The following PDE1A variants were observed in gnomAD, a reference collection of about 807,000 sequenced individuals.
PDE1A encodes the protein phosphodiesterase 1A.
A neutral mutation model predicts 61.7 loss-of-function variants in PDE1A; 35 were observed. That is an observed-to-expected ratio of 0.57 (90% CI 0.43 to 0.75). PDE1A has a LOEUF of 0.75. Ranked by LOEUF, PDE1A falls within the 30% of genes least tolerant of loss-of-function variation. PDE1A has a pLI of 0.00. For synonymous variants in PDE1A, 232 were observed against 213.2 expected (o/e 1.09, Z -0.77); for missense variants, 597 against 630.6 (o/e 0.95, Z 0.57).
intron 2 of PDE1A, among the ~76,000 whole-genome samples, chr2:182,244,162 C>T (rs1274052532): frequency 2.0e-5 from 3 of 152,120 alleles, no homozygotes; most frequent in South Asian, 2.1e-4. Context: ...CCACAACGCC[C>T]GGCCTTAATG....
the PDE1A span, among the ~76,000 whole-genome samples, chr2:182,540,383 A>AG: frequency 5.5e-5 from 4 of 72,750 alleles, no homozygotes; most frequent in African/African-American, 1.2e-4. Context: ...AAAAAAAAAA[A>AG]AAGCAGCAGC....
At chr2:182,662,024 C>T in the PDE1A span, among the ~76,000 whole-genome samples, 1 of 151,604 alleles carries the variant, frequency 6.6e-6, no homozygotes, top group African/African-American at 2.4e-5. Context: ...ATCAAAGGGC[C>T]ACTAATAGCC....
chr2:182,143,747 T>C (rs1360016930), downstream of PDE1A, among the ~76,000 whole-genome samples: 1 of 152,080 alleles, frequency 6.6e-6, no homozygotes, highest in African/African-American at 2.4e-5. Flanking sequence ...GATCTCCTGA[T>C]CTCATGATCC....
chr2:182,383,399 G>A (rs771413930), intron 1 of PDE1A, among the ~76,000 whole-genome samples: 21 of 152,078 alleles, frequency 1.4e-4, no homozygotes, highest in Non-Finnish European at 2.6e-4. Context: ...GTAGATTGTA[G>A]TTTAATGAAG....
Position 182,240,090 on chromosome 2 carries a change from A to C in PDE1A, c.350+20T>G, listed in dbSNP as rs778295431. On this transcript the variant is annotated intron_variant, in intron 3 of 13. Coordinates refer to ENST00000351439, the Ensembl canonical transcript of PDE1A. ...GCCTTTCAAATGTTACTGTCTTGAG[A>C]TACCAACAATTTCACTTACCTTTCC... 8.1e-6 allele frequency: 13 copies of C among 1,607,410 alleles called. No individual in the cohort carries two copies. The highest frequency in any genetic ancestry group is 1.3e-5 in the African/African-American group (1 of 74,764).
chr2:182,412,632 T>A (rs1702684465), intron 1 of PDE1A, among the ~76,000 whole-genome samples: 1 of 152,206 alleles, frequency 6.6e-6, no homozygotes, highest in African/African-American at 2.4e-5. Context: ...AGAGTTGATG[T>A]GTGTTCTAGT....
intron 2 of PDE1A, among the ~76,000 whole-genome samples, chr2:182,259,950 A>T (rs947846632): frequency 1.3e-5 from 2 of 152,252 alleles, no homozygotes; most frequent in Non-Finnish European, 2.9e-5. Context: ...GACAGTTCTG[A>T]ACACAAGACT....
chr2:182,316,900 C>T (rs1328485929), intron 1 of PDE1A, among the ~76,000 whole-genome samples: 2 of 152,166 alleles, frequency 1.3e-5, no homozygotes, highest in African/African-American at 4.8e-5. Flanking sequence ...GTAGGATTGA[C>T]ACACTCATTA....
the PDE1A span, among the ~76,000 whole-genome samples, chr2:182,557,808 G>T: frequency 6.6e-6 from 1 of 152,078 alleles, no homozygotes; most frequent in Admixed American, 6.5e-5. Flanking sequence ...ACAACTTTTA[G>T]TAGCATATTT....
chr2:182,323,882 C>T (rs1241275601), intron 1 of PDE1A, among the ~76,000 whole-genome samples: 1 of 152,164 alleles, frequency 6.6e-6, no homozygotes, highest in Non-Finnish European at 1.5e-5. Context: ...TGTTGCCACA[C>T]CATCCAAGGC....
intron 1 of PDE1A, among the ~76,000 whole-genome samples, chr2:182,334,628 A>T (rs2124981818): frequency 6.6e-6 from 1 of 152,322 alleles, no homozygotes; most frequent in South Asian, 2.1e-4. Context: ...ATGTATCTCA[A>T]AATAATAAGA....
At chr2:182,681,292 A>G in the PDE1A span, among the ~76,000 whole-genome samples, 3 of 150,834 alleles carry the variant, frequency 2.0e-5, no homozygotes, top group Non-Finnish European at 3.0e-5. Flanking sequence ...ACTGCTGGAA[A>G]TTCTTTTATA....
At chr2:182,627,150 TTATATATAAAATATAAATA>T in the PDE1A span, among the ~76,000 whole-genome samples, 5 of 31,096 alleles carry the variant, frequency 1.6e-4, no homozygotes, top group Non-Finnish European at 2.0e-4. Context: ...TAAATATTAT[TTATATATAAAATATAAATA>T]ATATTTATAT....
At chr2:182,602,992 C>CACAT in the PDE1A span, among the ~76,000 whole-genome samples, 2,752 of 130,456 alleles carry the variant, frequency 0.021, 33 homozygotes, top group South Asian at 0.044. Flanking sequence ...CACACACACA[C>CACAT]ACATACATAC....
the PDE1A span, among the ~76,000 whole-genome samples, chr2:182,601,723 T>A: frequency 3.3e-5 from 5 of 152,234 alleles, no homozygotes; most frequent in Non-Finnish European, 4.4e-5. Context: ...AGGCTCTGGG[T>A]TGGGTGGCTC....
chr2:182,279,267 C>T lies in PDE1A; in HGVS notation c.54-14853G>A, dbSNP rs1038501402. Among the ~76,000 whole-genome samples the T allele has an allele frequency of 1.4e-4, 21 of 151,938 alleles. 1 individual carries two copies. The highest frequency in any genetic ancestry group is 2.1e-4 in the South Asian group (1 of 4,828). ...AATATGCCACTCTGTAATTCTTAGACGAGCACAACCTAAATTATCATGATG... is the reference window on the plus strand; with the variant it reads ...AATATGCCACTCTGTAATTCTTAGATGAGCACAACCTAAATTATCATGATG... On this transcript the variant is annotated intron_variant, in intron 1 of 13. Coordinates refer to ENST00000351439, the Ensembl canonical transcript of PDE1A.
At chr2:182,372,382 A>G (rs557798988) in intron 1 of PDE1A, among the ~76,000 whole-genome samples, 1 of 152,298 alleles carries the variant, frequency 6.6e-6, no homozygotes, top group Admixed American at 6.5e-5. Flanking sequence ...TAAAATGATA[A>G]TTGTGATCAT....
chr2:182,374,196 G>A (rs1459595237), intron 1 of PDE1A, among the ~76,000 whole-genome samples: 1 of 151,836 alleles, frequency 6.6e-6, no homozygotes, highest in African/African-American at 2.4e-5. Context: ...GTACATTCAT[G>A]GGTCAAATCA....
intron 1 of PDE1A, among the ~76,000 whole-genome samples, chr2:182,387,437 AAG>A (rs1388033715): frequency 6.6e-6 from 1 of 152,044 alleles, no homozygotes. Context: ...AGAAGAAAGA[AAG>A]AGAGAAAGAA....
Sources: gnomAD v4.1 joint callset for allele counts (sites outside exome capture counted in the v4.1 genomes callset) on GRCh38, gnomAD v4.1.1 for gene constraint, MANE v1.5 for transcripts, NCBI Gene and HGNC (gene_info 2026-07-23, HGNC 2026-07-21) for gene names.